Variants in RUNDC3B observed in about 807,000 individuals in gnomAD.
RUNDC3B encodes RUN domain-containing protein 3B.
A neutral mutation model predicts 58.4 loss-of-function variants in RUNDC3B; 33 were observed. The ratio of observed to expected loss-of-function variants is 0.56; its 90% CI spans 0.43 to 0.75. The LOEUF (loss-of-function observed/expected upper bound fraction) is 0.75, where lower values mean the gene tolerates loss of function less well. Among genes scored for constraint, RUNDC3B ranks in the 30% least tolerant of loss-of-function variants. The pLI is 0.00. For synonymous variants in RUNDC3B, 193 were observed against 195.2 expected (o/e 0.99, Z 0.10); for missense variants, 501 against 535.7 (o/e 0.94, Z 0.64).
At chr7:87,670,048 T>G (rs1311532054) in intron 2 of RUNDC3B, among the ~76,000 whole-genome samples, 1 of 152,200 alleles carries the variant, frequency 6.6e-6, no homozygotes, top group Non-Finnish European at 1.5e-5. Context: ...TCATGGACAA[T>G]TTCCTGAAAT....
chr7:87,816,331 T>A, intron 10 of RUNDC3B, 69 bp downstream of exon 10: 1 of 1,229,196 alleles, frequency 8.1e-7, no homozygotes, highest in Non-Finnish European at 1.2e-6. Flanking sequence ...TTGCAGATGA[T>A]TGCCAGAGAA....
chr7:87,684,746 CAAAAAAAAA>C (rs71524694), intron 2 of RUNDC3B, among the ~76,000 whole-genome samples: 2 of 37,784 alleles, frequency 5.3e-5, no homozygotes, highest in African/African-American at 3.6e-4. Flanking sequence ...GACTCCGTCT[CAAAAAAAAA>C]AAAAAAAAAA....
At chr7:87,749,518 T>C (rs555439074) in intron 6 of RUNDC3B, among the ~76,000 whole-genome samples, 53 of 152,306 alleles carry the variant, frequency 3.5e-4, no homozygotes, top group African/African-American at 1.2e-3. Context: ...CATGGAGTTT[T>C]TATTTTTAGA....
intron 2 of RUNDC3B, among the ~76,000 whole-genome samples, chr7:87,687,575 T>A (rs1398182866): frequency 6.6e-6 from 1 of 152,226 alleles, no homozygotes; most frequent in East Asian, 1.9e-4. Flanking sequence ...TGTTCATTGG[T>A]GTATCCAAAT....
chr7:87,789,909 G>A (rs1403772982), intron 8 of RUNDC3B, among the ~76,000 whole-genome samples: 4 of 152,132 alleles, frequency 2.6e-5, no homozygotes, highest in Non-Finnish European at 5.9e-5. Flanking sequence ...GCCACCCTTG[G>A]CCCCTAGACA....
At position 87,650,956 on chromosome 7, in the gene RUNDC3B, T is replaced by A; in HGVS notation, c.238+19T>A. The stretch of plus-strand genomic sequence containing the variant: ...CTAAAAGGTAAAAGCACTAATGTAC[T>A]ATTTATTTTCCCACCAGCTGTCTTT... On this transcript the variant is annotated intron_variant, in intron 2 of 10. Transcript: ENST00000394654. 7.2e-7 allele frequency: 1 copy of A among 1,388,464 alleles called. No individual in the cohort carries two copies. The highest frequency in any genetic ancestry group is 1.0e-6 in the Non-Finnish European group (1 of 977,620). The allele number at this position is 1,388,464 out of a possible 1,614,324, so 86.0% of individuals were successfully genotyped here.
At chr7:87,679,233 C>T (rs1826683765) in intron 2 of RUNDC3B, among the ~76,000 whole-genome samples, 1 of 148,850 alleles carries the variant, frequency 6.7e-6, no homozygotes, top group Admixed American at 6.7e-5. Context: ...GCTGGGACTA[C>T]AGGTGCCCGC....
At chr7:87,744,745 A>C (rs904274946) in intron 6 of RUNDC3B, among the ~76,000 whole-genome samples, 2 of 152,144 alleles carry the variant, frequency 1.3e-5, no homozygotes, top group African/African-American at 4.8e-5. Context: ...TTCAAGGTAA[A>C]CGATCATATC....
rs966051497 is a variant in RUNDC3B at position 87,829,758 on chromosome 7, T to C, written c.1226-127T>C. Reference sequence around the variant, plus strand: ...GCAGTCAATCATGCAATTTGTTCTGTAGGTTTCTTTGGGCAGTATGGTCAT... The same window carrying C: ...GCAGTCAATCATGCAATTTGTTCTGCAGGTTTCTTTGGGCAGTATGGTCAT... On this transcript the variant is annotated intron_variant, in intron 10 of 10. Transcript: ENST00000394654. The C allele has an allele frequency of 6.6e-6, 4 of 601,558 alleles. No homozygotes were observed. The African/African-American group carries it at 7.6e-5, about 11-fold the overall frequency. The allele number at this position is 601,558 out of a possible 1,614,324, so 37.3% of individuals were successfully genotyped here. A position where few individuals can be genotyped will look rare whatever the true frequency, so the allele number is the denominator to read the frequency against.
intron 8 of RUNDC3B, among the ~76,000 whole-genome samples, chr7:87,790,686 C>T (rs1477231755): frequency 6.6e-6 from 1 of 151,670 alleles, no homozygotes; most frequent in East Asian, 1.9e-4. Flanking sequence ...CTGAAAAATG[C>T]AATTGATATA....
intron 3 of RUNDC3B, among the ~76,000 whole-genome samples, chr7:87,708,380 A>G (rs1829788891): frequency 6.6e-6 from 1 of 152,154 alleles, no homozygotes; most frequent in Non-Finnish European, 1.5e-5. Context: ...TCTATTATAT[A>G]AATTTGAAAA....
At chr7:87,715,495 A>C (rs1830506430) in intron 4 of RUNDC3B, among the ~76,000 whole-genome samples, 1 of 132,636 alleles carries the variant, frequency 7.5e-6, no homozygotes, top group African/African-American at 2.8e-5. Context: ...TAATACATAT[A>C]ATTATATTAT....
chr7:87,787,214 A>G (rs1055303189), intron 8 of RUNDC3B, among the ~76,000 whole-genome samples: 1 of 152,310 alleles, frequency 6.6e-6, no homozygotes, highest in Non-Finnish European at 1.5e-5. Flanking sequence ...TTTTGCAGCT[A>G]TAGTGAAAGA....
At chr7:87,768,715 G>T (rs573054093) in intron 6 of RUNDC3B, among the ~76,000 whole-genome samples, 1 of 152,246 alleles carries the variant, frequency 6.6e-6, no homozygotes, top group African/African-American at 2.4e-5. Context: ...TTAATGGTCA[G>T]TCTCTCCCAG....
chr7:87,709,564 AG>A, intron 3 of RUNDC3B: 1 of 965,966 alleles, frequency 1.0e-6, no homozygotes. Flanking sequence ...TCTTCCCAGT[AG>A]TACTGCTGCT....
At chr7:87,748,137 G>A (rs1832755669) in intron 6 of RUNDC3B, among the ~76,000 whole-genome samples, 1 of 152,182 alleles carries the variant, frequency 6.6e-6, no homozygotes, top group African/African-American at 2.4e-5. Context: ...TGGGCACCCA[G>A]CGAGCTCCCA....
intron 8 of RUNDC3B, among the ~76,000 whole-genome samples, chr7:87,791,246 C>T (rs1489241494): frequency 6.6e-6 from 1 of 152,092 alleles, no homozygotes; most frequent in Non-Finnish European, 1.5e-5. Flanking sequence ...AAATATCCTT[C>T]AAACATGAAG....
At chr7:87,807,177 GA>G (rs1165700423) in intron 8 of RUNDC3B, among the ~76,000 whole-genome samples, 195 bp from the exon 9 acceptor site, 2 of 151,724 alleles carry the variant, frequency 1.3e-5, no homozygotes, top group Non-Finnish European at 2.9e-5. Context: ...GTAACCAGCG[GA>G]AAAAAAATGA....
chr7:87,679,883 A>G (rs1826753782), intron 2 of RUNDC3B, among the ~76,000 whole-genome samples: 1 of 150,724 alleles, frequency 6.6e-6, no homozygotes, highest in Non-Finnish European at 1.5e-5. Flanking sequence ...AGAACAGAAG[A>G]TATCTGAAAA....
Sources: allele counts gnomAD v4.1 joint callset (sites outside exome capture counted in the v4.1 genomes callset), GRCh38; gene constraint gnomAD v4.1.1; transcripts MANE v1.5; gene names NCBI Gene and HGNC (gene_info 2026-07-23, HGNC 2026-07-21).